Variants in SBF1 observed in about 807,000 individuals in gnomAD.
SBF1 encodes myotubularin-related protein 5.
SBF1 carries 65 observed loss-of-function variants against 215.8 expected under a neutral mutation model. That is an observed-to-expected ratio of 0.30 (90% CI 0.25 to 0.37). The LOEUF (loss-of-function observed/expected upper bound fraction) is 0.37, where lower values mean the gene tolerates loss of function less well. SBF1 is among the 10% of genes least tolerant of loss of function. The pLI is 1.00. For synonymous variants in SBF1, 1,410 were observed against 1,122.8 expected (o/e 1.26, Z -5.11); for missense variants, 2,634 against 2,667.8 (o/e 0.99, Z 0.28).
chr22:50,464,110 C>G (rs1193434135), intron 15 of SBF1, among the ~76,000 whole-genome samples: 1 of 152,232 alleles, frequency 6.6e-6, no homozygotes, highest in Non-Finnish European at 1.5e-5. Flanking sequence ...AAGTACATCT[C>G]CCTGGCTGGG....
rs1371590870 is a variant in SBF1 at position 50,456,011 on chromosome 22, G to A, written c.4266+205C>T. ...CCGACATACCCATGCCCAAGCCCTG[G>A]CCACTCTCACTGTCAGCTGGCCCCA... On this transcript the variant is annotated intron_variant, in intron 31 of 40. Transcript: ENST00000380817. 4.9e-6 allele frequency: 3 copies of A among 606,738 alleles called. No homozygotes were observed. In the South Asian group the frequency reaches 6.3e-5, roughly 13 times the overall value. The allele number at this position is 606,738 out of a possible 1,614,324, so 37.6% of individuals were successfully genotyped here.
intron 29 of SBF1, 109 bp downstream of exon 29, chr22:50,456,925 T>TA (rs1363933324): frequency 6.3e-6 from 6 of 953,824 alleles, no homozygotes; most frequent in Non-Finnish European, 7.4e-6. Context: ...GACGGGTCGT[T>TA]AGTGTCAGGT....
At chr22:50,456,895 G>T in intron 29 of SBF1, 139 bp downstream of exon 29, 1 of 784,646 alleles carries the variant, frequency 1.3e-6, no homozygotes, top group Non-Finnish European at 1.9e-6. Flanking sequence ...GGTCAGGGAG[G>T]TAAGGACTGG....
Position 50,460,425 on chromosome 22 carries a change from T to G in SBF1, c.3147-17A>C, listed in dbSNP as rs1180934984. ...GACAGGGTTCTGAGGCCCACGAGAG[T>G]CAGCAAAGGTGAGAGGAGGAGGGAC... On this transcript the variant is annotated splice_polypyrimidine_tract_variant and intron_variant, in intron 24 of 40. Coordinates refer to ENST00000380817, the MANE Select transcript of SBF1 (RefSeq NM_002972.4). 1 of 1,603,788 alleles carries G rather than the reference T, an allele frequency of 6.2e-7. No individual in the cohort carries two copies. Among genetic ancestry groups the G allele is most frequent in the African/African-American group, 1.3e-5 (1 of 74,618 alleles).
intron 36 of SBF1, among the ~76,000 whole-genome samples, chr22:50,449,626 A>ACG (rs2066967657): frequency 1.3e-4 from 1 of 7,416 alleles, no homozygotes; most frequent in Non-Finnish European, 2.8e-4. Flanking sequence ...AAACACACAA[A>ACG]CACACACACA....
rs372927132 is a variant in SBF1, at chr22:50,460,366, G to A, written c.3189C>T (p.Ile1063=). 5.0e-5 allele frequency: 80 copies of A among 1,613,366 alleles called. No individual in the cohort carries two copies. Among genetic ancestry groups the A allele is most frequent in the Middle Eastern group, 1.6e-4 (1 of 6,078 alleles). Residue 1063 remains isoleucine (I), a synonymous_variant, in exon 25 of 41, where the codon ATC becomes ATT. Transcript: ENST00000380817. The part of the protein sequence containing the change: ...RNLVKNAKKT[I]GRQHVTRKKY... ...TCTTGCGAGTGACATGCTGCCGCCCGATGGTCTTCTTGGCGTTCTTGACCA... is the reference window on the plus strand; with the variant it reads ...TCTTGCGAGTGACATGCTGCCGCCCAATGGTCTTCTTGGCGTTCTTGACCA...
At position 50,447,119 on chromosome 22, in the gene SBF1, G is replaced by A; in HGVS notation, c.*23C>T. On this transcript the variant is annotated 3_prime_UTR_variant, in exon 41 of 41. Coordinates refer to ENST00000380817, the MANE Select transcript of SBF1 (RefSeq NM_002972.4). Reference sequence around the variant, plus strand: ...GTGGTCGGTAACGACCGGAAGCAGAGCAGCCGGGCAGGGCTGGGAGGCTCA... The same window carrying A: ...GTGGTCGGTAACGACCGGAAGCAGAACAGCCGGGCAGGGCTGGGAGGCTCA... 1.3e-6 allele frequency: 2 copies of A among 1,599,072 alleles called. No homozygotes were observed. Among genetic ancestry groups the A allele is most frequent in the Non-Finnish European group, 8.5e-7 (1 of 1,171,800 alleles).
rs759383363 is a variant in SBF1, at chr22:50,467,364, T to C, written c.523A>G (p.Thr175Ala). 49 of 1,613,972 alleles carry C rather than the reference T, an allele frequency of 3.0e-5. No individual in the cohort carries two copies. The Admixed American group carries it at 7.8e-4, about 26-fold the overall frequency. The part of the protein sequence containing the change: ...ENVIGNLLTC[T>A]VPLAGGSQRT... ...TGCGAGCCCCCAGCCAGGGGCACAG[T>C]GCACGTCAGCAGGTTCCCAATCACG... Residue 175 changes from threonine (T) to alanine (A), a missense_variant, in exon 5 of 41, where the codon ACT becomes GCT. Physicochemically the swap from Thr to Ala is moderately conservative, Grantham distance 58. Coordinates refer to ENST00000380817, the MANE Select transcript of SBF1 (RefSeq NM_002972.4).
In SBF1 at chr22:50,464,411, T is replaced by G. The variant is rs904336518; in HGVS notation, c.1667A>C (p.His556Pro). 6.2e-7 allele frequency: 1 copy of G among 1,613,930 alleles called. No individual in the cohort carries two copies. Residue 556 changes from histidine (H) to proline (P), a missense_variant, in exon 15 of 41, where the codon CAT becomes CCT. Transcript: ENST00000380817. Reference sequence around the variant, plus strand: ...CTCCAGCCGCCGGGCGCTGTTGACATGCAGCCCACTGCACCGCTCCAGTAT... The same window carrying G: ...CTCCAGCCGCCGGGCGCTGTTGACAGGCAGCCCACTGCACCGCTCCAGTAT... ...TAILERCSGL[H>P]VNSARRLEVV...
Position 50,462,864 on chromosome 22 carries a change from A to G in SBF1, c.1968+6T>C, listed in dbSNP as rs757372700. 2 of 1,612,886 alleles carry G rather than the reference A, an allele frequency of 1.2e-6. No individual in the cohort carries two copies. Among genetic ancestry groups the G allele is most frequent in the Non-Finnish European group, 1.7e-6 (2 of 1,179,838 alleles). On this transcript the variant is annotated splice_donor_region_variant and intron_variant, in intron 17 of 40. Transcript: ENST00000380817. ...GGAAGGAGACCTCAGCCATGCCAGC[A>G]CTCACCCGGCAGAAGGCTGTGACCA...
Position 50,465,128 on chromosome 22 carries a change from G to A in SBF1, c.1205C>T (p.Ala402Val). The A allele has an allele frequency of 6.2e-7, 1 of 1,614,026 alleles. No homozygotes were observed. Among genetic ancestry groups the A allele is most frequent in the Non-Finnish European group, 8.5e-7 (1 of 1,180,002 alleles). ...CAGCCCACGCTGGCCCAGGAAGGCT[G>A]CCTGGATGACAGAAGGAGGTCGGTC... ...HPEPVIRFHK[A>V]AFLGQRGLVE... The change falls in exon 12 of 41, where the codon GCA becomes GTA. Residue 402 changes from alanine to valine, a missense_variant and splice_region_variant. Transcript: ENST00000380817.
At chr22:50,460,907 C>T (rs1335921113) in intron 23 of SBF1, among the ~76,000 whole-genome samples, 195 bp from the exon 24 acceptor site, 1 of 152,226 alleles carries the variant, frequency 6.6e-6, no homozygotes. Flanking sequence ...TGAGCTGAGG[C>T]CTGGGTTTGC....
In SBF1 at chr22:50,460,288, C is replaced by T. The variant is rs781746968; in HGVS notation, c.3267G>A (p.Gln1089=). 6.2e-7 allele frequency: 1 copy of T among 1,608,556 alleles called. No individual in the cohort carries two copies. Among genetic ancestry groups the T allele is most frequent in the Admixed American group, 1.7e-5 (1 of 59,756 alleles). Residue 1089 remains glutamine, a synonymous_variant, in exon 25 of 41, where the codon CAG becomes CAA. Coordinates refer to ENST00000380817, the MANE Select transcript of SBF1 (RefSeq NM_002972.4). ...EHRGQPPPED[Q]EDEISVSEEL... ...CCCCTCCACCTGAGATCTCGTCCTC[C>T]TGGTCCTCAGGGGGCGGCTGGCCCC...
chr22:50,464,577 C>A lies in SBF1; in HGVS notation c.1593G>T (p.Val531=). 6.2e-7 allele frequency: 1 copy of A among 1,612,160 alleles called. No individual in the cohort carries two copies. Residue 531 remains valine (V), a synonymous_variant, in exon 14 of 41, where the codon GTG becomes GTT. Transcript: ENST00000380817. ...AAKMQGAPPA[V]KAERRTTVPS... Reference sequence around the variant, plus strand: ...GCACGGTGGTCCTCCTCTCGGCCTTCACAGCTGGGGGTGCACCCTGCATCT... The same window carrying A: ...GCACGGTGGTCCTCCTCTCGGCCTTAACAGCTGGGGGTGCACCCTGCATCT...
chr22:50,448,507 C>T lies in SBF1; in HGVS notation c.5151+36G>A, dbSNP rs768734583. ...CAGACTCCACTTTCTCCCAGCAACACGCCCACCGTGGACGCTCACACTGGC... is the reference window on the plus strand; with the variant it reads ...CAGACTCCACTTTCTCCCAGCAACATGCCCACCGTGGACGCTCACACTGGC... On this transcript the variant is annotated intron_variant, in intron 37 of 40. Transcript: ENST00000380817. 6.8e-6 allele frequency: 11 copies of T among 1,608,292 alleles called. No homozygotes were observed. In the South Asian group the frequency reaches 7.7e-5, roughly 11 times the overall value.
chr22:50,471,995 G>C (rs1253349861), intron 1 of SBF1, among the ~76,000 whole-genome samples: 4 of 152,232 alleles, frequency 2.6e-5, no homozygotes, highest in Non-Finnish European at 5.9e-5. Context: ...CCAGGTCAGG[G>C]CCAGATCAAA....
intron 23 of SBF1, 136 bp from the exon 24 acceptor site, chr22:50,460,848 G>C: frequency 9.8e-7 from 1 of 1,024,866 alleles, no homozygotes; most frequent in Non-Finnish European, 1.4e-6. Context: ...GCCTGTATCT[G>C]TGTCACACGA....
chr22:50,457,023 C>T lies in SBF1; in HGVS notation c.3904+11G>A, dbSNP rs770059036. On this transcript the variant is annotated intron_variant, in intron 29 of 40. Coordinates refer to ENST00000380817, the MANE Select transcript of SBF1 (RefSeq NM_002972.4). Reference sequence around the variant, plus strand: ...AAGGGGAGGCGGGCCTGCGCAGGCTCGGTACGGTACCTCGGGGTGCGGTCC... The same window carrying T: ...AAGGGGAGGCGGGCCTGCGCAGGCTTGGTACGGTACCTCGGGGTGCGGTCC... 5 of 1,420,228 alleles carry T rather than the reference C, an allele frequency of 3.5e-6. No individual in the cohort carries two copies. Among genetic ancestry groups the T allele is most frequent in the Non-Finnish European group, 4.6e-6 (5 of 1,087,646 alleles). 88.0% of individuals were successfully genotyped at this position (1,420,228 alleles called of 1,614,324 possible).
rs1326204153 is a variant in SBF1 at position 50,456,247 on chromosome 22, C to T, written c.4235G>A (p.Arg1412His). 3.6e-5 allele frequency: 58 copies of T among 1,612,182 alleles called. No individual in the cohort carries two copies. The highest frequency in any genetic ancestry group is 4.4e-5 in the Non-Finnish European group (52 of 1,179,908). Residue 1412 changes from arginine (R) to histidine (H), a missense_variant, in exon 31 of 41, where the codon CGC becomes CAC. Arg to His is a conservative substitution (Grantham distance 29). Transcript: ENST00000380817. ...AAEPSPASFLRSLEDSEWLIQ... is the reference protein window; with the variant it reads ...AAEPSPASFLHSLEDSEWLIQ... ...CAGCCACTCTGAGTCCTCCAGTGAGCGCAGGAAGGAGGCTGGGCTGGGCTC... is the reference window on the plus strand; with the variant it reads ...CAGCCACTCTGAGTCCTCCAGTGAGTGCAGGAAGGAGGCTGGGCTGGGCTC...
Sources: allele counts gnomAD v4.1 joint callset (sites outside exome capture counted in the v4.1 genomes callset), GRCh38; gene constraint gnomAD v4.1.1; transcripts MANE v1.5; gene names NCBI Gene and HGNC (gene_info 2026-07-23, HGNC 2026-07-21).